NOL12: variants seen among roughly 807,000 people sequenced by gnomAD.
NOL12 encodes nucleolar protein 12.
A neutral mutation model predicts 25.2 loss-of-function variants in NOL12; 21 were observed. The observed-to-expected ratio is 0.83, with a 90% CI of 0.59 to 1.20. NOL12 has a LOEUF of 1.20. Ranked by LOEUF, NOL12 falls within the 50% of genes most tolerant of loss-of-function variation. NOL12 has a pLI of 0.00. For synonymous variants in NOL12, 133 were observed against 113.8 expected (o/e 1.17, Z -1.08); for missense variants, 286 against 287.6 (o/e 0.99, Z 0.04).
rs1362379597 is a variant in NOL12, at chr22:37,686,470, G to A, written c.78G>A (p.Lys26=). Residue 26 remains lysine, a synonymous_variant, in exon 1 of 6, where the codon AAG becomes AAA. Transcript: ENST00000359114. The stretch of plus-strand genomic sequence containing the variant: ...TCGTTCTTAGCTTCGACGAGGAGAA[G>A]AGGCGGTGAGTGGCAAAGCCGGACC... The part of the protein sequence containing the change: ...PRLVLSFDEE[K]RREYLTGFHK... The A allele has an allele frequency of 6.3e-7, 1 of 1,599,976 alleles. No homozygotes were observed. The highest frequency in any genetic ancestry group is 1.1e-5 in the South Asian group (1 of 88,726).
At position 37,687,604 on chromosome 22, in the gene NOL12, T is replaced by A. The variant is rs113831201; in HGVS notation, c.84-306T>A. 6.4e-3 allele frequency among the ~76,000 whole-genome samples: 971 copies of A among 152,264 alleles called. 6 individuals carry two copies. The highest frequency in any genetic ancestry group is 0.022 in the African/African-American group (930 of 41,556). On this transcript the variant is annotated intron_variant, in intron 1 of 5. Transcript: ENST00000359114. ...TCCCAAGTAGCTGGGACTGCAGGCA[T>A]GCGCCACCAAGCCCAGCTAATTTTT...
intron 5 of NOL12, 38 bp downstream of exon 5, chr22:37,690,832 C>T (rs1487677835): frequency 6.7e-7 from 1 of 1,488,552 alleles, no homozygotes; most frequent in Non-Finnish European, 9.3e-7. Flanking sequence ...TCCCACCCCT[C>T]CTGGCTGGCA....
Position 37,693,138 on chromosome 22 carries a change from T to G in NOL12, c.*1802T>G. ...AGGAACAGCTGAGTCCCAGGGGTTCTTGCACACAGCAGGGCTCGGGTTTGA... is the reference window on the plus strand; with the variant it reads ...AGGAACAGCTGAGTCCCAGGGGTTCGTGCACACAGCAGGGCTCGGGTTTGA... On this transcript the variant is annotated 3_prime_UTR_variant, in exon 6 of 6. Transcript: ENST00000359114. The G allele has an allele frequency of 6.3e-6, 1 of 159,186 alleles. No homozygotes were observed. The allele number at this position is 159,186 out of a possible 1,614,324, so 9.9% of individuals were successfully genotyped here.
At chr22:37,687,258 G>GCCCCCCCCCCCCCCCC (rs66493048) in intron 1 of NOL12, 4 of 148,770 alleles carry the variant, frequency 2.7e-5, no homozygotes, top group African/African-American at 5.8e-5. Flanking sequence ...ACTGTGTGTG[G>GCCCCCCCCCCCCCCCC]CCCCCCCCCC....
intron 4 of NOL12, among the ~76,000 whole-genome samples, chr22:37,689,593 G>A (rs1357332276): frequency 6.6e-6 from 1 of 152,214 alleles, no homozygotes; most frequent in African/African-American, 2.4e-5. Context: ...TGTTTCATGA[G>A]ACAGCTGTTT....
Position 37,692,967 on chromosome 22 carries a change from T to C in NOL12, c.*1631T>C, listed in dbSNP as rs900949777. On this transcript the variant is annotated 3_prime_UTR_variant, in exon 6 of 6. Coordinates refer to ENST00000359114, the MANE Select transcript of NOL12 (RefSeq NM_024313.3). ...AGGGATTGTGCTGAGCGCCTTGGCC[T>C]GGCTTCTTGGCTCCGCCCACCTGCT... The C allele has an allele frequency of 5.6e-6, 2 of 355,126 alleles. No individual in the cohort carries two copies. Among genetic ancestry groups the C allele is most frequent in the Admixed American group, 4.7e-5 (1 of 21,206 alleles). 22.0% of individuals were successfully genotyped at this position (355,126 alleles called of 1,614,324 possible). A position where few individuals can be genotyped will look rare whatever the true frequency, so the allele number is the denominator to read the frequency against.
In NOL12 at chr22:37,686,363, C is replaced by G. The variant is rs977852852; in HGVS notation, c.-30C>G. 4 of 1,576,764 alleles carry G rather than the reference C, an allele frequency of 2.5e-6. No individual in the cohort carries two copies. In the African/African-American group the frequency reaches 4.1e-5, roughly 16 times the overall value. On this transcript the variant is annotated 5_prime_UTR_variant, in exon 1 of 6. Transcript: ENST00000359114. ...AGTACGCTACACCCGGAAGTGTCTTCAGGGAGAGGAAGCCGGCGGCCTCAC... is the reference window on the plus strand; with the variant it reads ...AGTACGCTACACCCGGAAGTGTCTTGAGGGAGAGGAAGCCGGCGGCCTCAC...
rs188136000 is a variant in NOL12 at position 37,690,778 on chromosome 22, C to G, written c.463C>G (p.Pro155Ala). The G allele has an allele frequency of 6.2e-7, 1 of 1,613,398 alleles. No individual in the cohort carries two copies. The highest frequency in any genetic ancestry group is 8.5e-7 in the Non-Finnish European group (1 of 1,179,408). ...TKALPRKSRD[P>A]LLSQRISSLT... ...AGCCTTGCCCAGGAAGTCCAGAGACCCCCTGCTCTCTCAGCGGTGAGTCTT... is the reference window on the plus strand; with the variant it reads ...AGCCTTGCCCAGGAAGTCCAGAGACGCCCTGCTCTCTCAGCGGTGAGTCTT... Residue 155 changes from proline (P) to alanine (A), a missense_variant, in exon 5 of 6, where the codon CCC (proline) becomes GCC (alanine). Transcript: ENST00000359114.
In NOL12 at chr22:37,692,742, G is replaced by T; in HGVS notation, c.*1406G>T. 2 of 399,158 alleles carry T rather than the reference G, an allele frequency of 5.0e-6. No homozygotes were observed. The highest frequency in any genetic ancestry group is 2.6e-4 in the South Asian group (2 of 7,812). 24.7% of individuals were successfully genotyped at this position (399,158 alleles called of 1,614,324 possible). On this transcript the variant is annotated 3_prime_UTR_variant, in exon 6 of 6. Transcript: ENST00000359114. Reference sequence around the variant, plus strand: ...ATGTGGGAGCTCCTGGAGTGGGGGTGAGCAGTGAGCCAGGGTCTGCAGGGC... The same window carrying T: ...ATGTGGGAGCTCCTGGAGTGGGGGTTAGCAGTGAGCCAGGGTCTGCAGGGC...
Position 37,691,424 on chromosome 22 carries a change from G to C in NOL12, c.*88G>C. 1 of 1,408,174 alleles carries C rather than the reference G, an allele frequency of 7.1e-7. No homozygotes were observed. The highest frequency in any genetic ancestry group is 9.5e-7 in the Non-Finnish European group (1 of 1,054,966). The allele number at this position is 1,408,174 out of a possible 1,614,324, so 87.2% of individuals were successfully genotyped here. ...GTCCCTGTAGCCCAGCCTGCACCTAGGTAATGACTGCACAGCTCAAGGTTG... is the reference window on the plus strand; with the variant it reads ...GTCCCTGTAGCCCAGCCTGCACCTACGTAATGACTGCACAGCTCAAGGTTG... On this transcript the variant is annotated 3_prime_UTR_variant, in exon 6 of 6. Coordinates refer to ENST00000359114, the MANE Select transcript of NOL12 (RefSeq NM_024313.3).
rs1382666807 is a variant in NOL12 at position 37,692,366 on chromosome 22, AAAAAAT to A, written c.*1034_*1039del. The A allele has an allele frequency of 5.0e-6, 2 of 397,474 alleles. No individual in the cohort carries two copies. Among genetic ancestry groups the A allele is most frequent in the Non-Finnish European group, 8.9e-6 (2 of 225,958 alleles). The allele number at this position is 397,474 out of a possible 1,614,324, so 24.6% of individuals were successfully genotyped here. On this transcript the variant is annotated 3_prime_UTR_variant, in exon 6 of 6. Coordinates refer to ENST00000359114, the MANE Select transcript of NOL12 (RefSeq NM_024313.3). ...TGTGACCTTGTCTCAAAAAAAAACTAAAAAATAAAGCAGTTGCATCTTGACTCGTAC... is the reference window on the plus strand; with the variant it reads ...TGTGACCTTGTCTCAAAAAAAAACTAAAAGCAGTTGCATCTTGACTCGTAC...
At position 37,692,647 on chromosome 22, in the gene NOL12, A is replaced by G. The variant is rs557179472; in HGVS notation, c.*1311A>G. The G allele has an allele frequency of 1.3e-4, 52 of 398,814 alleles. No individual in the cohort carries two copies. Among genetic ancestry groups the G allele is most frequent in the South Asian group, 3.8e-4 (3 of 7,870 alleles). The allele number at this position is 398,814 out of a possible 1,614,324, so 24.7% of individuals were successfully genotyped here. ...CAGGGCTTGCTGACGCCCGTGGACT[A>G]TGGAGTCAGGATGACAGGACAGTGC... is the stretch of plus-strand genomic sequence containing the variant. On this transcript the variant is annotated 3_prime_UTR_variant, in exon 6 of 6. Transcript: ENST00000359114.
intron 1 of NOL12, chr22:37,687,083 C>G (rs1009631795): frequency 3.0e-6 from 3 of 985,300 alleles, no homozygotes; most frequent in African/African-American, 3.5e-5. Flanking sequence ...TCAGGAAACT[C>G]CTAGCGTGCA....
intron 5 of NOL12, 167 bp from the exon 6 acceptor site, chr22:37,691,007 T>G (rs1922042598): frequency 2.4e-6 from 2 of 817,516 alleles, no homozygotes; most frequent in African/African-American, 3.5e-5. Flanking sequence ...AGGGCCTGTG[T>G]CTCTGAGCTG....
chr22:37,687,258 G>GCCCCCCCCCCCCC (rs66493048), intron 1 of NOL12: 75 of 148,654 alleles, frequency 5.0e-4, no homozygotes, highest in African/African-American at 9.0e-4. Flanking sequence ...ACTGTGTGTG[G>GCCCCCCCCCCCCC]CCCCCCCCCC....
chr22:37,689,326 C>T (rs1405323919), intron 4 of NOL12, among the ~76,000 whole-genome samples: 1 of 152,204 alleles, frequency 6.6e-6, no homozygotes, highest in Non-Finnish European at 1.5e-5. Context: ...GATGGTGGCA[C>T]CTGCCTTGTG....
chr22:37,691,455 C>G lies in NOL12; in HGVS notation c.*119C>G. On this transcript the variant is annotated 3_prime_UTR_variant, in exon 6 of 6. Coordinates refer to ENST00000359114, the MANE Select transcript of NOL12 (RefSeq NM_024313.3). The stretch of plus-strand genomic sequence containing the variant: ...GACTGCACAGCTCAAGGTTGGGAAG[C>G]CAGGACCTCTCTGGCCTGGGGCCAG... 5.8e-6 allele frequency: 7 copies of G among 1,198,162 alleles called. No individual in the cohort carries two copies. The highest frequency in any genetic ancestry group is 7.8e-6 in the Non-Finnish European group (7 of 901,090). 74.2% of individuals were successfully genotyped at this position (1,198,162 alleles called of 1,614,324 possible).
Position 37,691,382 on chromosome 22 carries a change from C to T in NOL12, c.*46C>T, listed in dbSNP as rs1330331681. 2 of 1,541,036 alleles carry T rather than the reference C, an allele frequency of 1.3e-6. No individual in the cohort carries two copies. Among genetic ancestry groups the T allele is most frequent in the South Asian group, 1.2e-5 (1 of 81,804 alleles). On this transcript the variant is annotated 3_prime_UTR_variant, in exon 6 of 6. Coordinates refer to ENST00000359114, the MANE Select transcript of NOL12 (RefSeq NM_024313.3). The stretch of plus-strand genomic sequence containing the variant: ...CCCAGTCTAGGCTGCGGGGACCTGT[C>T]CTTGCTCAGCTTGGCTGTCCCTGTA...
intron 4 of NOL12, among the ~76,000 whole-genome samples, chr22:37,689,568 T>C (rs769063358): frequency 6.6e-6 from 1 of 152,056 alleles, no homozygotes; most frequent in African/African-American, 2.4e-5. Flanking sequence ...TATCCGAAAG[T>C]GTCATGTTAA....
Sources: allele counts gnomAD v4.1 joint callset (sites outside exome capture counted in the v4.1 genomes callset), GRCh38; gene constraint gnomAD v4.1.1; transcripts MANE v1.5; gene names NCBI Gene and HGNC (gene_info 2026-07-23, HGNC 2026-07-21).